The following RSPO1 variants were observed in gnomAD, a reference collection of about 807,000 sequenced individuals.
The protein encoded by RSPO1 is R-spondin-1.
In RSPO1, 18 loss-of-function variants were observed where a neutral mutation model predicts 26.0. The observed-to-expected ratio is 0.69, with a 90% CI of 0.48 to 1.03. The LOEUF (loss-of-function observed/expected upper bound fraction) is 1.03, where lower values mean the gene tolerates loss of function less well. Among genes scored for constraint, RSPO1 ranks in the 50% least tolerant of loss-of-function variants. The pLI, the probability that RSPO1 is intolerant of heterozygous loss-of-function variation, is 0.00. For synonymous variants in RSPO1, 133 were observed against 137.4 expected (o/e 0.97, Z 0.22); for missense variants, 309 against 352.3 (o/e 0.88, Z 0.98).
chr1:37,612,417 C>T lies in RSPO1; in HGVS notation c.*338G>A. ...GGTCTCAGATGCTGGGAAGTGTTGT[C>T]TCTGACATGTCCACTGGGAGCTCTG... is the stretch of plus-strand genomic sequence containing the variant. On this transcript the variant is annotated 3_prime_UTR_variant, in exon 7 of 7. Transcript: ENST00000356545. The T allele has an allele frequency of 2.7e-6, 1 of 363,952 alleles. No individual in the cohort carries two copies. The highest frequency in any genetic ancestry group is 5.1e-6 in the Non-Finnish European group (1 of 194,430). The allele number at this position is 363,952 out of a possible 1,614,324, so 22.5% of individuals were successfully genotyped here.
chr1:37,618,254 T>C (rs889148828), intron 3 of RSPO1, among the ~76,000 whole-genome samples: 4 of 152,352 alleles, frequency 2.6e-5, no homozygotes, highest in Admixed American at 2.0e-4. Context: ...TACTGTGTCA[T>C]GTAAGTCCAG....
chr1:37,633,560 A>T (rs2148190042), intron 1 of RSPO1, among the ~76,000 whole-genome samples: 1 of 152,224 alleles, frequency 6.6e-6, no homozygotes, highest in East Asian at 1.9e-4. Flanking sequence ...CCAAAAATGT[A>T]AACTATCTAG....
chr1:37,614,276 T>C lies in RSPO1; in HGVS notation c.344A>G (p.Lys115Arg). Residue 115 changes from lysine to arginine, a missense_variant, in exon 5 of 7, where the codon AAG (lysine) becomes AGG (arginine). By Grantham distance (26) the Lys-to-Arg change is conservative. Coordinates refer to ENST00000356545, the MANE Select transcript of RSPO1 (RefSeq NM_001242908.2). ...CFSHNFCTKC[K>R]EGLYLHKGRC... ...GCCCTTGTGCAGGTACAAGCCCTCC[T>C]TACACTTGGTGCAGAAGTTATGGCT... The C allele has an allele frequency of 6.2e-7, 1 of 1,613,888 alleles. No individual in the cohort carries two copies. Among genetic ancestry groups the C allele is most frequent in the Non-Finnish European group, 8.5e-7 (1 of 1,180,030 alleles).
At chr1:37,616,000 GA>G (rs1395712363) in intron 4 of RSPO1, among the ~76,000 whole-genome samples, 3 of 152,210 alleles carry the variant, frequency 2.0e-5, no homozygotes, top group Non-Finnish European at 4.4e-5. Flanking sequence ...TCAGAAGTGT[GA>G]TGGGGTAGGG....
Position 37,613,716 on chromosome 1 carries a change from G to A in RSPO1, c.613C>T (p.Pro205Ser). Reference protein sequence around the residue: ...ETRRCTVRRVPCPEGQKRRKG... With the variant: ...ETRRCTVRRVSCPEGQKRRKG... Reference sequence around the variant, plus strand: ...GGCTGCAGCTCACCCTCAGGACACGGCACTCTCCTCACTGTGCACCTCCGG... The same window carrying A: ...GGCTGCAGCTCACCCTCAGGACACGACACTCTCCTCACTGTGCACCTCCGG... Residue 205 changes from proline (P) to serine (S), a missense_variant, in exon 6 of 7, where the codon CCG becomes TCG. Physicochemically the swap from Pro to Ser is moderately conservative, Grantham distance 74. Transcript: ENST00000356545. This position sits in a 1 kb window ranked among gnomAD's most constrained non-coding sequence, Gnocchi z 4.5. The A allele has an allele frequency of 6.2e-7, 1 of 1,613,242 alleles. No homozygotes were observed. The highest frequency in any genetic ancestry group is 1.3e-5 in the African/African-American group (1 of 75,038).
intron 3 of RSPO1, among the ~76,000 whole-genome samples, chr1:37,622,443 C>T (rs1188558395): frequency 6.6e-6 from 1 of 152,076 alleles, no homozygotes; most frequent in Non-Finnish European, 1.5e-5. Flanking sequence ...TCCAGGATTT[C>T]GAGGCTGCAG....
intron 3 of RSPO1, among the ~76,000 whole-genome samples, chr1:37,627,237 G>A (rs148155193): frequency 1.9e-3 from 283 of 152,116 alleles, no homozygotes; most frequent in Non-Finnish European, 3.3e-3. Context: ...GCCCTTCCAC[G>A]CTTGTCTTAT....
chr1:37,633,693 C>G (rs1038610427), intron 1 of RSPO1, among the ~76,000 whole-genome samples: 9 of 152,138 alleles, frequency 5.9e-5, no homozygotes, highest in African/African-American at 1.4e-4. Context: ...TGTGCCTGTC[C>G]GACCTGTCGG....
intron 4 of RSPO1, 129 bp downstream of exon 4, chr1:37,616,355 A>G: frequency 1.3e-6 from 1 of 798,008 alleles, no homozygotes; most frequent in East Asian, 2.7e-5. Flanking sequence ...GGATACTTGA[A>G]TCGGAGCCTC....
chr1:37,634,422 C>G lies in RSPO1; in HGVS notation c.-356+144G>C, dbSNP rs1051416330. On this transcript the variant is annotated intron_variant, in intron 1 of 6. Coordinates refer to ENST00000356545, the MANE Select transcript of RSPO1 (RefSeq NM_001242908.2). This position sits in a 1 kb window ranked among gnomAD's most constrained non-coding sequence, Gnocchi z 4.7. Reference sequence around the variant, plus strand: ...GAGGTGCCCTGTCCTGATCGCCGACCGGAGAGCGATCAGACTCCCCTTCCT... The same window carrying G: ...GAGGTGCCCTGTCCTGATCGCCGACGGGAGAGCGATCAGACTCCCCTTCCT... 6.6e-6 allele frequency: 1 copy of G among 152,198 alleles called. No homozygotes were observed. The highest frequency in any genetic ancestry group is 1.5e-5 in the Non-Finnish European group (1 of 68,090). 9.4% of individuals were successfully genotyped at this position (152,198 alleles called of 1,614,324 possible).
At chr1:37,615,396 G>T (rs542920347) in intron 4 of RSPO1, among the ~76,000 whole-genome samples, 9 of 152,240 alleles carry the variant, frequency 5.9e-5, no homozygotes, top group South Asian at 2.1e-4. Context: ...AACCCTAGGG[G>T]GTAAAAACAA....
At chr1:37,624,551 C>T (rs954963817) in intron 3 of RSPO1, among the ~76,000 whole-genome samples, 3 of 152,000 alleles carry the variant, frequency 2.0e-5, no homozygotes, top group African/African-American at 7.3e-5. Flanking sequence ...AGGCTGTGCC[C>T]TCAATTCCCC....
rs1430630396 is a variant in RSPO1, at chr1:37,612,363, C to A, written c.*392G>T. 2.0e-5 allele frequency: 5 copies of A among 253,082 alleles called. No individual in the cohort carries two copies. The highest frequency in any genetic ancestry group is 3.9e-5 in the Non-Finnish European group (5 of 128,556). The allele number at this position is 253,082 out of a possible 1,614,324, so 15.7% of individuals were successfully genotyped here. Reference sequence around the variant, plus strand: ...ACAGTGGCTGGTCCGATCCCAGCAGCTTCTCCAGAAGGCTCCCCTCTGCAG... The same window carrying A: ...ACAGTGGCTGGTCCGATCCCAGCAGATTCTCCAGAAGGCTCCCCTCTGCAG... On this transcript the variant is annotated 3_prime_UTR_variant, in exon 7 of 7. Coordinates refer to ENST00000356545, the MANE Select transcript of RSPO1 (RefSeq NM_001242908.2).
rs777804800 is a variant in RSPO1 at position 37,629,626 on chromosome 1, C to A, written c.36G>T (p.Leu12=). ...TGCTGATGGTGAGGTGCGTCCAGCTCAGAACCAGGGCCACCACACACAGCC... is the reference window on the plus strand; with the variant it reads ...TGCTGATGGTGAGGTGCGTCCAGCTAAGAACCAGGGCCACCACACACAGCC... ...RLGLCVVALV[L]SWTHLTISSR... The change falls in exon 3 of 7, where the codon CTG becomes CTT. Residue 12 remains leucine, a synonymous_variant. Coordinates refer to ENST00000356545, the MANE Select transcript of RSPO1 (RefSeq NM_001242908.2). 1.2e-6 allele frequency: 2 copies of A among 1,614,170 alleles called. No homozygotes were observed. Among genetic ancestry groups the A allele is most frequent in the African/African-American group, 1.3e-5 (1 of 75,050 alleles).
intron 3 of RSPO1, among the ~76,000 whole-genome samples, chr1:37,625,378 G>T (rs1644260655): frequency 6.6e-6 from 1 of 152,200 alleles, no homozygotes; most frequent in Non-Finnish European, 1.5e-5. Context: ...GAGGGACTCA[G>T]GTGGGATGGG....
At chr1:37,633,046 A>G (rs1281358169) in intron 1 of RSPO1, among the ~76,000 whole-genome samples, 1 of 152,214 alleles carries the variant, frequency 6.6e-6, no homozygotes, top group African/African-American at 2.4e-5. Context: ...TCTCTCTGCC[A>G]CTGTGGGGGT....
chr1:37,630,775 T>C (rs567178347), intron 2 of RSPO1, among the ~76,000 whole-genome samples: 1 of 152,144 alleles, frequency 6.6e-6, no homozygotes, highest in Admixed American at 6.5e-5. Context: ...ATCACACACA[T>C]GCTCTGATGC....
At chr1:37,631,918 G>A (rs1011659431) in intron 2 of RSPO1, 2 of 152,168 alleles carry the variant, frequency 1.3e-5, no homozygotes, top group Non-Finnish European at 2.9e-5. Context: ...ACACCAAAGC[G>A]ATCACTCAGA....
At chr1:37,628,540 G>C (rs559553912) in intron 3 of RSPO1, among the ~76,000 whole-genome samples, 3 of 152,232 alleles carry the variant, frequency 2.0e-5, no homozygotes, top group Admixed American at 2.0e-4. Context: ...CTGCCTGTGG[G>C]TGTGGCATCT....
Sources: allele counts gnomAD v4.1 joint callset (sites outside exome capture counted in the v4.1 genomes callset), GRCh38; gene constraint gnomAD v4.1.1; non-coding constraint Gnocchi (gnomAD v3.1); transcripts MANE v1.5; gene names NCBI Gene and HGNC (gene_info 2026-07-23, HGNC 2026-07-21).